The following SLC38A11 variants were observed in gnomAD, a reference collection of about 807,000 sequenced individuals.
SLC38A11 encodes putative sodium-coupled neutral amino acid transporter 11.
In SLC38A11, 51 loss-of-function variants were observed where a neutral mutation model predicts 49.4. The observed-to-expected ratio is 1.03, with a 90% CI of 0.83 to 1.30. SLC38A11 has a LOEUF of 1.30. Among genes scored for constraint, SLC38A11 ranks in the 50% most tolerant of loss-of-function variants. The pLI is 0.00. For synonymous variants in SLC38A11, 203 were observed against 192.9 expected (o/e 1.05, Z -0.43); for missense variants, 574 against 556.2 (o/e 1.03, Z -0.32).
At position 164,952,780 on chromosome 2, in the gene SLC38A11, T is replaced by G. The variant is rs769848527; in HGVS notation, c.156A>C (p.Gly52=). 2.1e-5 allele frequency: 34 copies of G among 1,594,142 alleles called. No individual in the cohort carries two copies. Among genetic ancestry groups the G allele is most frequent in the Non-Finnish European group, 2.6e-5 (31 of 1,175,262 alleles). The change falls in exon 3 of 12, where the codon GGA becomes GGC. Residue 52 remains glycine, a splice_region_variant and synonymous_variant. Transcript: ENST00000685975. ...VNSIIGSGII[G]LPYSMKQAGF... ...CAGCTTGCTTCATTGAATAAGGCAA[T>G]CCTGAAAAAACATAAAATGCCCCAC...
intron 11 of SLC38A11, among the ~76,000 whole-genome samples, chr2:164,907,680 A>G (rs1383625231): frequency 6.6e-6 from 1 of 152,154 alleles, no homozygotes; most frequent in Non-Finnish European, 1.5e-5. Flanking sequence ...CATAGTAATT[A>G]CTCAATAAAT....
At chr2:164,951,263 TTAAA>T (rs201070962) in intron 3 of SLC38A11, among the ~76,000 whole-genome samples, 2,493 of 152,308 alleles carry the variant, frequency 0.016, 19 homozygotes, top group Middle Eastern at 0.037. Flanking sequence ...TACAATGCAC[TTAAA>T]TAAACCATAG....
rs533293612 is a variant in SLC38A11, at chr2:164,951,133, A to C, written c.229+1574T>G. 6.6e-5 allele frequency among the ~76,000 whole-genome samples: 10 copies of C among 152,330 alleles called. 1 individual carries two copies. The South Asian group carries it at 2.1e-3, about 32-fold the overall frequency. On this transcript the variant is annotated intron_variant, in intron 3 of 11. Transcript: ENST00000685975. The stretch of plus-strand genomic sequence containing the variant: ...TAGTTGAAAAAGTTATTCACATTAT[A>C]GTTTATTTATGTATAATACGACTTG...
chr2:164,942,736 C>T (rs564465438), intron 5 of SLC38A11, among the ~76,000 whole-genome samples: 1 of 152,260 alleles, frequency 6.6e-6, no homozygotes, highest in Non-Finnish European at 1.5e-5. Context: ...TGGGGGCTGG[C>T]ACAGAAGCTA....
intron 3 of SLC38A11, among the ~76,000 whole-genome samples, chr2:164,948,592 G>A (rs1427871750): frequency 6.6e-6 from 1 of 152,098 alleles, no homozygotes; most frequent in African/African-American, 2.4e-5. Context: ...TTCAGACCTT[G>A]CCTAAGTCAT....
At chr2:164,915,583 G>A (rs551763276) in intron 8 of SLC38A11, 41 of 419,026 alleles carry the variant, frequency 9.8e-5, no homozygotes, top group Middle Eastern at 1.3e-3. Context: ...TTTTCATCCT[G>A]TGGCTTCCTT....
Position 164,898,611 on chromosome 2 carries a change from A to T in SLC38A11, c.1215T>A (p.Gly405=). Residue 405 remains glycine, a synonymous_variant, in exon 12 of 12, where the codon GGT becomes GGA. Transcript: ENST00000685975. The part of the protein sequence containing the change: ...KIMSCVMLPI[G]AVVMVFGFVM... Reference sequence around the variant, plus strand: ...CGAATCCAAAAACCATCACCACAGCACCAATGGGAAGCATGACACAAGACA... The same window carrying T: ...CGAATCCAAAAACCATCACCACAGCTCCAATGGGAAGCATGACACAAGACA... The T allele has an allele frequency of 6.2e-7, 1 of 1,613,596 alleles. No homozygotes were observed. The highest frequency in any genetic ancestry group is 8.5e-7 in the Non-Finnish European group (1 of 1,179,734).
At chr2:164,944,994 T>A (rs144632668) in intron 4 of SLC38A11, among the ~76,000 whole-genome samples, 7 of 152,262 alleles carry the variant, frequency 4.6e-5, no homozygotes, top group African/African-American at 1.7e-4. Context: ...AATAGAAAAA[T>A]TTGAAGACAC....
Position 164,915,278 on chromosome 2 carries a change from A to C in SLC38A11, c.689-5T>G. 6.3e-7 allele frequency: 1 copy of C among 1,583,210 alleles called. No individual in the cohort carries two copies. Among genetic ancestry groups the C allele is most frequent in the Non-Finnish European group, 8.5e-7 (1 of 1,170,386 alleles). On this transcript the variant is annotated splice_polypyrimidine_tract_variant and splice_region_variant and intron_variant, in intron 8 of 11. Transcript: ENST00000685975. ...AGTTATGGTGGCAAATAAATGCTGC[A>C]ATACAAAAAAAAAGAGCATTATTAA...
At chr2:164,928,021 G>T (rs1686719885) in intron 7 of SLC38A11, among the ~76,000 whole-genome samples, 1 of 152,066 alleles carries the variant, frequency 6.6e-6, no homozygotes, top group South Asian at 2.1e-4. Flanking sequence ...ACTAATGGTG[G>T]GTGAAATAAG....
At position 164,937,653 on chromosome 2, in the gene SLC38A11, T is replaced by C. The variant is rs1005154283; in HGVS notation, c.538-224A>G. 6 of 406,964 alleles carry C rather than the reference T, an allele frequency of 1.5e-5. No individual in the cohort carries two copies. In the South Asian group the frequency reaches 2.1e-4, roughly 14 times the overall value. The allele number at this position is 406,964 out of a possible 1,614,324, so 25.2% of individuals were successfully genotyped here. ...CCCACCCCAAGTAGGTGAGCAAGTA[T>C]TATACATGACTGTCATCACCATGCA... On this transcript the variant is annotated intron_variant, in intron 6 of 11. Transcript: ENST00000685975.
chr2:164,900,359 T>A (rs1684575221), intron 11 of SLC38A11, among the ~76,000 whole-genome samples: 1 of 152,054 alleles, frequency 6.6e-6, no homozygotes, highest in Admixed American at 6.6e-5. Flanking sequence ...ATTTTTAATT[T>A]CTTTAGGAAC....
At chr2:164,930,751 T>C (rs537596464) in intron 7 of SLC38A11, among the ~76,000 whole-genome samples, 25 of 152,202 alleles carry the variant, frequency 1.6e-4, no homozygotes, top group Non-Finnish European at 1.0e-4. Context: ...TGAAGGCACA[T>C]ACCTCAAAAT....
chr2:164,950,082 C>T, intron 3 of SLC38A11: 1 of 152,146 alleles, frequency 6.6e-6, no homozygotes, highest in Non-Finnish European at 1.5e-5. Context: ...CAAGGAGAAT[C>T]AAAGAGCTAG....
chr2:164,915,991 T>C lies in SLC38A11; in HGVS notation c.618-18A>G. The stretch of plus-strand genomic sequence containing the variant: ...TTTTTGGTCTAGAAGAAAAATCAGT[T>C]AACTTGATAAATTGTTAAATAAATA... On this transcript the variant is annotated intron_variant, in intron 7 of 11. Coordinates refer to ENST00000685975, the MANE Select transcript of SLC38A11 (RefSeq NM_001351537.2). The C allele has an allele frequency of 6.5e-7, 1 of 1,539,026 alleles. No homozygotes were observed. Among genetic ancestry groups the C allele is most frequent in the South Asian group, 1.2e-5 (1 of 86,438 alleles).
At chr2:164,921,368 A>C (rs1686190198) in intron 7 of SLC38A11, among the ~76,000 whole-genome samples, 1 of 152,070 alleles carries the variant, frequency 6.6e-6, no homozygotes, top group South Asian at 2.1e-4. Context: ...TCTCACTGTA[A>C]CCCCAGGCAG....
rs1574030177 is a variant in SLC38A11 at position 164,954,517 on chromosome 2, A to G, written c.154+114T>C. On this transcript the variant is annotated intron_variant, in intron 2 of 11. Transcript: ENST00000685975. ...AGCCTTTTATGGAAGAAAATTACCA[A>G]TTTTCTTATTTAAGTCTTTTTTTCT... is the stretch of plus-strand genomic sequence containing the variant. The G allele has an allele frequency of 4.0e-6, 2 of 500,876 alleles. 1 individual carries two copies. Among genetic ancestry groups the G allele is most frequent in the East Asian group, 6.2e-5 (2 of 32,188 alleles). The allele number at this position is 500,876 out of a possible 1,614,324, so 31.0% of individuals were successfully genotyped here. A position where few individuals can be genotyped will look rare whatever the true frequency, so the allele number is the denominator to read the frequency against.
Position 164,935,567 on chromosome 2 carries a change from C to T in SLC38A11, c.617+1783G>A, listed in dbSNP as rs186799696. On this transcript the variant is annotated intron_variant, in intron 7 of 11. Transcript: ENST00000685975. ...CCGGATGTGGCACATGCCTGCAGTC[C>T]CAGCTACACAGGAGGATGAGGCAGG... is the stretch of plus-strand genomic sequence containing the variant. 6.9e-3 allele frequency among the ~76,000 whole-genome samples: 1,044 copies of T among 151,460 alleles called. 4 individuals carry two copies. Among genetic ancestry groups the T allele is most frequent in the Non-Finnish European group, 9.6e-3 (650 of 67,878 alleles).
At chr2:164,941,372 A>T (rs1355802082) in intron 5 of SLC38A11, among the ~76,000 whole-genome samples, 1 of 152,160 alleles carries the variant, frequency 6.6e-6, no homozygotes, top group Non-Finnish European at 1.5e-5. Flanking sequence ...GACATTAGTG[A>T]TGTATTTCAG....
Sources: gnomAD v4.1 joint callset for allele counts (sites outside exome capture counted in the v4.1 genomes callset) on GRCh38, gnomAD v4.1.1 for gene constraint, MANE v1.5 for transcripts, NCBI Gene and HGNC (gene_info 2026-07-23, HGNC 2026-07-21) for gene names.